The following EPHA6 variants were observed in gnomAD, a reference collection of about 807,000 sequenced individuals.
EPHA6 encodes ephrin type-A receptor 6.
In EPHA6, 50 loss-of-function variants were observed where a neutral mutation model predicts 112.0. That is an observed-to-expected ratio of 0.45 (90% CI 0.36 to 0.56). The LOEUF is 0.56. Ranked by LOEUF, EPHA6 falls within the 20% of genes least tolerant of loss-of-function variation. The probability of loss-of-function intolerance (pLI) is 0.00; values close to 1 mark genes in which losing one functional copy is unlikely to be tolerated. For synonymous variants in EPHA6, 529 were observed against 490.7 expected (o/e 1.08, Z -1.03); for missense variants, 1,280 against 1,417.4 (o/e 0.90, Z 1.56).
At chr3:97,554,641 ATGT>A (rs2093077059) in intron 11 of EPHA6, among the ~76,000 whole-genome samples, 1 of 151,978 alleles carries the variant, frequency 6.6e-6, no homozygotes, top group Non-Finnish European at 1.5e-5. Flanking sequence ...ATAGTCCAAC[ATGT>A]TGTCATAGTT....
intron 5 of EPHA6, among the ~76,000 whole-genome samples, chr3:97,288,924 A>ATTTTTTTTTTTTTTTTT (rs374397667): frequency 9.0e-6 from 1 of 111,278 alleles, no homozygotes; most frequent in Admixed American, 9.8e-5. Flanking sequence ...TTTAATGGGG[A>ATTTTTTTTTTTTTTTTT]TTTTTTTTTT....
chr3:97,561,217 G>A (rs143828455), intron 11 of EPHA6, among the ~76,000 whole-genome samples: 9 of 152,074 alleles, frequency 5.9e-5, no homozygotes, highest in East Asian at 3.9e-4. Context: ...TATCTCTGGC[G>A]TTTAAATCAA....
intron 2 of EPHA6, among the ~76,000 whole-genome samples, chr3:96,931,018 A>AAG (rs1553733279): frequency 0.012 from 977 of 84,522 alleles, 228 homozygotes; most frequent in African/African-American, 0.036. Context: ...AAAAAAAAAA[A>AAG]AAAGAAAAGC....
chr3:97,726,606 A>G (rs1005275119), intron 15 of EPHA6, among the ~76,000 whole-genome samples: 27 of 152,138 alleles, frequency 1.8e-4, no homozygotes, highest in African/African-American at 6.5e-4. Flanking sequence ...TTGAAAGTGT[A>G]TAGCCCCTTG....
At chr3:97,452,149 G>T (rs961056371) in intron 7 of EPHA6, among the ~76,000 whole-genome samples, 1 of 151,758 alleles carries the variant, frequency 6.6e-6, no homozygotes. Context: ...AAATTATGGC[G>T]ACCCTCTTGC....
intron 11 of EPHA6, among the ~76,000 whole-genome samples, chr3:97,533,400 G>A (rs1008763330): frequency 2.6e-5 from 4 of 152,048 alleles, no homozygotes; most frequent in African/African-American, 9.7e-5. Context: ...AGGTGCAATT[G>A]ACTCTGTGTC....
chr3:97,127,708 C>T, intron 3 of EPHA6, among the ~76,000 whole-genome samples: 1 of 147,616 alleles, frequency 6.8e-6, no homozygotes, highest in East Asian at 2.0e-4. Context: ...GAGCCAGACC[C>T]TGTCTCAAAA....
intron 11 of EPHA6, among the ~76,000 whole-genome samples, chr3:97,589,057 C>T (rs1196832230): frequency 6.6e-6 from 1 of 152,062 alleles, no homozygotes; most frequent in Non-Finnish European, 1.5e-5. Context: ...AACCTGTGGC[C>T]TGGGAGCCTC....
At chr3:97,063,842 T>TA (rs1437065030) in intron 3 of EPHA6, among the ~76,000 whole-genome samples, 1 of 152,144 alleles carries the variant, frequency 6.6e-6, no homozygotes, top group Non-Finnish European at 1.5e-5. Context: ...AGCTGGTAAG[T>TA]AATAAAAATA....
rs1559855360 is a variant in EPHA6, at chr3:97,290,503, T to C, written c.1606+46216T>C. On this transcript the variant is annotated intron_variant, in intron 5 of 17. Transcript: ENST00000389672. ...TCCAGAATTTCGTTAGTTTTCTGCATTGGTGATCTAACTCTGTTAGTAGGG... is the reference window on the plus strand; with the variant it reads ...TCCAGAATTTCGTTAGTTTTCTGCACTGGTGATCTAACTCTGTTAGTAGGG... Among the ~76,000 whole-genome samples the C allele has an allele frequency of 2.6e-5, 4 of 152,164 alleles. No homozygotes were observed. In the South Asian group the frequency reaches 8.3e-4, roughly 31 times the overall value.
chr3:97,504,769 A>T (rs2092203708), intron 10 of EPHA6, among the ~76,000 whole-genome samples: 1 of 152,080 alleles, frequency 6.6e-6, no homozygotes, highest in Admixed American at 6.6e-5. Context: ...CACAAAGTTT[A>T]TTTTTTATTT....
chr3:97,641,679 G>C (rs554369357), intron 14 of EPHA6, among the ~76,000 whole-genome samples: 1 of 152,190 alleles, frequency 6.6e-6, no homozygotes, highest in African/African-American at 2.4e-5. Flanking sequence ...AAGGGGTGAC[G>C]GACGCACCTG....
chr3:97,605,527 T>C (rs2093674409), intron 12 of EPHA6, among the ~76,000 whole-genome samples: 1 of 151,746 alleles, frequency 6.6e-6, no homozygotes, highest in Non-Finnish European at 1.5e-5. Flanking sequence ...CTATTGCTTG[T>C]TTTTGTCAAT....
At chr3:97,205,845 A>T (rs147356629) in intron 3 of EPHA6, among the ~76,000 whole-genome samples, 2 of 152,236 alleles carry the variant, frequency 1.3e-5, no homozygotes, top group East Asian at 3.9e-4. Flanking sequence ...CACCATGCTA[A>T]ACATGTTACA....
chr3:97,041,633 C>G (rs1283081346), intron 3 of EPHA6, among the ~76,000 whole-genome samples: 1 of 152,058 alleles, frequency 6.6e-6, no homozygotes, highest in Non-Finnish European at 1.5e-5. Context: ...TATTAAAAGA[C>G]TACCTGAGAC....
intron 12 of EPHA6, among the ~76,000 whole-genome samples, chr3:97,604,477 G>T (rs1195689563): frequency 6.6e-6 from 1 of 151,510 alleles, no homozygotes; most frequent in Non-Finnish European, 1.5e-5. Context: ...ATACCAATCT[G>T]CAATAAAAAA....
In EPHA6 at chr3:97,218,037, G is replaced by A. The variant is rs375632007; in HGVS notation, c.1115-8227G>A. On this transcript the variant is annotated intron_variant, in intron 3 of 17. Transcript: ENST00000389672. ...TGTAGTCTCAGCACTTTGGCAGACCGAGGCAAGGCAGATCACTGAAGCACA... is the reference window on the plus strand; with the variant it reads ...TGTAGTCTCAGCACTTTGGCAGACCAAGGCAAGGCAGATCACTGAAGCACA... 8.7e-4 allele frequency among the ~76,000 whole-genome samples: 133 copies of A among 152,234 alleles called. 1 individual carries two copies. Among genetic ancestry groups the A allele is most frequent in the African/African-American group, 2.9e-3 (121 of 41,556 alleles).
rs142209974 is a variant in EPHA6 at position 97,566,832 on chromosome 3, C to A, written c.2387-25780C>A. ...CTGTATCTTGAGGCTAAACATCTAC[C>A]CTATTCAATTCCAATGAGTAATAGT... is the stretch of plus-strand genomic sequence containing the variant. On this transcript the variant is annotated intron_variant, in intron 11 of 17. Transcript: ENST00000389672. Among the ~76,000 whole-genome samples, 29 of 152,222 alleles carry A rather than the reference C, an allele frequency of 1.9e-4. No homozygotes were observed. In the East Asian group the frequency reaches 5.0e-3, roughly 26 times the overall value.
At chr3:97,087,055 G>A (rs1257745752) in intron 3 of EPHA6, among the ~76,000 whole-genome samples, 1 of 152,132 alleles carries the variant, frequency 6.6e-6, no homozygotes, top group East Asian at 1.9e-4. Flanking sequence ...CTTGCCTTGA[G>A]CCTGGACACT....
Sources: gnomAD v4.1 joint callset for allele counts (sites outside exome capture counted in the v4.1 genomes callset) on GRCh38, gnomAD v4.1.1 for gene constraint, MANE v1.5 for transcripts, NCBI Gene and HGNC (gene_info 2026-07-23, HGNC 2026-07-21) for gene names.